Variants in IRAK1BP1 observed in about 807,000 individuals in gnomAD.
The protein encoded by IRAK1BP1 is interleukin-1 receptor-associated kinase 1-binding protein 1.
Under a neutral mutation model 28.0 loss-of-function variants are expected in IRAK1BP1, and 24 were observed. That is an observed-to-expected ratio of 0.86 (90% CI 0.62 to 1.20). The LOEUF (loss-of-function observed/expected upper bound fraction) is 1.20. IRAK1BP1 is among the 50% of genes most tolerant of loss of function. The pLI is 0.00. For missense variants in IRAK1BP1, 336 were observed against 316.7 expected (o/e 1.06, Z -0.46); for synonymous variants, 131 against 116.3 (o/e 1.13, Z -0.81).
the IRAK1BP1 span, among the ~76,000 whole-genome samples, chr6:78,954,195 G>A: frequency 3.2e-3 from 486 of 151,928 alleles, 3 homozygotes; most frequent in African/African-American, 0.01. Context: ...TCCACCTCCC[G>A]GGTTCACGCC....
rs113422271 is a variant in IRAK1BP1, at chr6:78,933,632, C to A, written c.*68-11776C>A. Among the ~76,000 whole-genome samples, 361 of 151,326 alleles carry A rather than the reference C, an allele frequency of 2.4e-3. 1 individual carries two copies. Among genetic ancestry groups the A allele is most frequent in the Non-Finnish European group, 4.1e-3 (281 of 67,822 alleles). ...CTCTGTCTCAAACAAAAACAAAAAC[C>A]AAAACCATCATGAACCAACCTCTGC... On this transcript the variant is annotated intron_variant and NMD_transcript_variant, in intron 4 of 4. Coordinates refer to the IRAK1BP1 transcript ENST00000606868.
At chr6:78,916,645 G>T (rs909837613) in intron 4 of IRAK1BP1, among the ~76,000 whole-genome samples, 4 of 152,062 alleles carry the variant, frequency 2.6e-5, no homozygotes, top group African/African-American at 9.7e-5. Context: ...AATGAGTTTG[G>T]CACTTGAACA....
intron 4 of IRAK1BP1, among the ~76,000 whole-genome samples, chr6:78,925,497 C>A (rs1166944147): frequency 6.6e-6 from 1 of 152,152 alleles, no homozygotes; most frequent in Non-Finnish European, 1.5e-5. Flanking sequence ...TACTATCTCA[C>A]ACCAGTGGAA....
the IRAK1BP1 span, among the ~76,000 whole-genome samples, chr6:78,953,202 T>C: frequency 1.3e-5 from 2 of 152,166 alleles, no homozygotes; most frequent in African/African-American, 4.8e-5. Context: ...GGGGAAACAT[T>C]CTTTGTTGTG....
chr6:78,914,752 C>T (rs751504906), intron 4 of IRAK1BP1, among the ~76,000 whole-genome samples: 1 of 152,118 alleles, frequency 6.6e-6, no homozygotes, highest in African/African-American at 2.4e-5. Context: ...TGGCTTAATA[C>T]GATGAACAAA....
At chr6:78,960,972 A>G in the IRAK1BP1 span, among the ~76,000 whole-genome samples, 29 of 152,112 alleles carry the variant, frequency 1.9e-4, no homozygotes, top group Non-Finnish European at 3.7e-4. Context: ...ATGTTACACA[A>G]ATTAAATTGT....
chr6:78,909,487 A>G (rs1300533141), intron 4 of IRAK1BP1, among the ~76,000 whole-genome samples: 2 of 152,232 alleles, frequency 1.3e-5, no homozygotes, highest in Non-Finnish European at 2.9e-5. Flanking sequence ...ACATAATTAA[A>G]GAGACATGTA....
At position 78,897,712 on chromosome 6, in the gene IRAK1BP1, T is replaced by G. The variant is rs1771942365; in HGVS notation, c.382-117T>G. 10 of 694,886 alleles carry G rather than the reference T, an allele frequency of 1.4e-5. No homozygotes were observed. The South Asian group carries it at 3.5e-4, about 24-fold the overall frequency. The allele number at this position is 694,886 out of a possible 1,614,324, so 43.0% of individuals were successfully genotyped here. ...AGTATCAAATAGGCTTTTAAAAATC[T>G]GTTACATACTATAAAATGACCTCAT... On this transcript the variant is annotated intron_variant, in intron 2 of 3. Coordinates refer to ENST00000369940, the MANE Select transcript of IRAK1BP1 (RefSeq NM_001010844.4).
In IRAK1BP1 at chr6:78,897,895, G is replaced by T; in HGVS notation, c.448G>T (p.Asp150Tyr). ...TTGTAACTTTCTTGTTGAAAAGCTA[G>T]ATAGCTCTGTTGTCATCAGCCCACC... ...NICNFLVEKL[D>Y]SSVVISPPQF... Residue 150 changes from aspartate to tyrosine, a missense_variant, in exon 3 of 4, where the codon GAT (aspartate) becomes TAT (tyrosine). Physicochemically the swap from Asp to Tyr is radical, Grantham distance 160. Transcript: ENST00000369940. 6.2e-7 allele frequency: 1 copy of T among 1,613,866 alleles called. No individual in the cohort carries two copies. Among genetic ancestry groups the T allele is most frequent in the Non-Finnish European group, 8.5e-7 (1 of 1,179,834 alleles).
chr6:78,901,712 G>A lies in IRAK1BP1; in HGVS notation c.*3378G>A, dbSNP rs1413825134. ...TACTGATAATTCATAATGAATTTTA[G>A]GATTCCATTCAATTACATACTAAAA... is the stretch of plus-strand genomic sequence containing the variant. On this transcript the variant is annotated 3_prime_UTR_variant, in exon 4 of 4. Transcript: ENST00000369940. The A allele has an allele frequency of 1.3e-5, 2 of 151,986 alleles. No individual in the cohort carries two copies. Among genetic ancestry groups the A allele is most frequent in the East Asian group, 3.9e-4 (2 of 5,190 alleles). The allele number at this position is 151,986 out of a possible 1,614,324, so 9.4% of individuals were successfully genotyped here.
intron 4 of IRAK1BP1, among the ~76,000 whole-genome samples, chr6:78,925,477 C>T (rs777203571): frequency 1.8e-4 from 28 of 152,010 alleles, no homozygotes; most frequent in Non-Finnish European, 3.2e-4. Context: ...AAATCAAAAC[C>T]GCAATGAAAT....
rs1218066341 is a variant in IRAK1BP1, at chr6:78,867,840, T to C, written c.264T>C (p.Val88=). The change falls in exon 1 of 4, where the codon GTT becomes GTC. Residue 88 remains valine (V), a synonymous_variant. Coordinates refer to ENST00000369940, the MANE Select transcript of IRAK1BP1 (RefSeq NM_001010844.4). ...KEAAAEAKKS[V]CRRLDYITQS... ...CGGCAGCCGAGGCCAAAAAGAGCGT[T>C]TGTCGCCGTCTAGATTACATCACGC... The C allele has an allele frequency of 1.6e-5, 26 of 1,611,012 alleles. No individual in the cohort carries two copies. Among genetic ancestry groups the C allele is most frequent in the Non-Finnish European group, 2.2e-5 (26 of 1,178,570 alleles).
chr6:78,955,285 T>G, the IRAK1BP1 span: 1 of 1,603,678 alleles, frequency 6.2e-7, no homozygotes, highest in Non-Finnish European at 8.5e-7. Context: ...TCTTCATCCT[T>G]TGAGGCAAGA....
the IRAK1BP1 span, chr6:78,965,886 T>A: frequency 4.5e-6 from 6 of 1,320,982 alleles, no homozygotes; most frequent in Non-Finnish European, 6.5e-6. Flanking sequence ...TCTTAATAGA[T>A]GGAAAAAAAA....
intron 4 of IRAK1BP1, among the ~76,000 whole-genome samples, chr6:78,917,630 A>G (rs1283046477): frequency 7.9e-6 from 1 of 127,192 alleles, no homozygotes; most frequent in East Asian, 2.6e-4. Context: ...CAAAGTCAAC[A>G]CTAAAAAAAA....
intron 4 of IRAK1BP1, among the ~76,000 whole-genome samples, chr6:78,945,039 G>A (rs1244339461): frequency 2.0e-5 from 3 of 151,618 alleles, no homozygotes; most frequent in African/African-American, 7.3e-5. Context: ...TGCTACATTG[G>A]GTTAACTATA....
rs1395067672 is a variant in IRAK1BP1, at chr6:78,901,609, A to G, written c.*3275A>G. ...AAGACAAACAAAAATTCTAAATAGG[A>G]TATTTGAAACAGACCCACTGTATCC... is the stretch of plus-strand genomic sequence containing the variant. On this transcript the variant is annotated 3_prime_UTR_variant, in exon 4 of 4. Transcript: ENST00000369940. The G allele has an allele frequency of 2.0e-5, 3 of 152,138 alleles. No individual in the cohort carries two copies. Among genetic ancestry groups the G allele is most frequent in the African/African-American group, 7.2e-5 (3 of 41,444 alleles). The allele number at this position is 152,138 out of a possible 1,614,324, so 9.4% of individuals were successfully genotyped here.
chr6:78,947,689 C>T (rs758096217), downstream of IRAK1BP1: 11 of 1,547,782 alleles, frequency 7.1e-6, no homozygotes, highest in East Asian at 2.3e-5. Context: ...CTTTACATAA[C>T]TCCATTGGTG....
chr6:78,903,718 G>T (rs979215670), downstream of IRAK1BP1, among the ~76,000 whole-genome samples: 2 of 151,580 alleles, frequency 1.3e-5, no homozygotes, highest in Non-Finnish European at 2.9e-5. Flanking sequence ...CAGGGGTCAG[G>T]CAGTGACAGT....
Sources: allele counts gnomAD v4.1 joint callset (sites outside exome capture counted in the v4.1 genomes callset), GRCh38; gene constraint gnomAD v4.1.1; transcripts MANE v1.5; gene names NCBI Gene and HGNC (gene_info 2026-07-23, HGNC 2026-07-21).